ELOA: variants seen among roughly 807,000 people sequenced by gnomAD.
ELOA encodes elongin-A.
Under a neutral mutation model 85.2 loss-of-function variants are expected in ELOA, and 15 were observed. That is an observed-to-expected ratio of 0.18 (90% CI 0.12 to 0.27). The LOEUF (loss-of-function observed/expected upper bound fraction) is 0.27, where lower values mean the gene tolerates loss of function less well. Among genes scored for constraint, ELOA ranks in the 10% least tolerant of loss-of-function variants. The probability of loss-of-function intolerance (pLI) is 1.00; values close to 1 mark genes in which losing one functional copy is unlikely to be tolerated. For synonymous variants in ELOA, 348 were observed against 357.2 expected (o/e 0.97, Z 0.29); for missense variants, 769 against 952.7 (o/e 0.81, Z 2.54).
chr1:23,749,110 T>C lies in ELOA; in HGVS notation c.132+33T>C, dbSNP rs755398006. The C allele has an allele frequency of 2.1e-5, 33 of 1,543,712 alleles. No individual in the cohort carries two copies. In the Admixed American group the frequency reaches 5.5e-4, roughly 26 times the overall value. On this transcript the variant is annotated intron_variant, in intron 2 of 10. Transcript: ENST00000613537. ...CTGTGTGACTTTAAATATTATATAA[T>C]GATATCCCATTCCCTTCTCACTGGA...
Position 23,749,886 on chromosome 1 carries a change from G to A in ELOA, c.177G>A (p.Glu59=), listed in dbSNP as rs759959049. Residue 59 remains glutamate, a synonymous_variant, in exon 3 of 11, where the codon GAG becomes GAA. Transcript: ENST00000613537. ...GKTVNSLRKH[E]HVGSFARDLV... is the part of the protein sequence containing the mutation. ...CAGTAAATAGCTTGCGAAAACACGA[G>A]CATGTTGGAAGCTTTGCCAGGGACC... 2.9e-5 allele frequency: 46 copies of A among 1,613,846 alleles called. No individual in the cohort carries two copies. The Admixed American group carries it at 7.5e-4, about 26-fold the overall frequency.
intron 7 of ELOA, 50 bp downstream of exon 7, chr1:23,754,510 C>T: frequency 4.2e-6 from 6 of 1,417,390 alleles, no homozygotes; most frequent in East Asian, 2.3e-5. Context: ...GCTTGTACCT[C>T]CAGAAATAGC....
rs1380432388 is a variant in ELOA at position 23,760,300 on chromosome 1, TTTTG to T, written c.*731_*734del. On this transcript the variant is annotated 3_prime_UTR_variant, in exon 11 of 11. Coordinates refer to ENST00000613537, the MANE Select transcript of ELOA (RefSeq NM_003198.3). ...TCATCCTTTTTGCGAGTCCCCACCT[TTTTG>T]TTTTTTTTTTTTTCTTTGAGGCTCA... 6.6e-6 allele frequency: 1 copy of T among 151,908 alleles called. No individual in the cohort carries two copies. Among genetic ancestry groups the T allele is most frequent in the East Asian group, 1.9e-4 (1 of 5,194 alleles). 9.4% of individuals were successfully genotyped at this position (151,908 alleles called of 1,614,324 possible). A position where few individuals can be genotyped will look rare whatever the true frequency, so the allele number is the denominator to read the frequency against.
intron 1 of ELOA, among the ~76,000 whole-genome samples, chr1:23,748,129 C>T (rs1421076940): frequency 1.3e-5 from 2 of 151,998 alleles, no homozygotes; most frequent in Non-Finnish European, 2.9e-5. Flanking sequence ...AGCTGTCAGT[C>T]GATGAATGAA....
chr1:23,750,156 A>G (rs1020296678), intron 3 of ELOA, among the ~76,000 whole-genome samples: 19 of 139,728 alleles, frequency 1.4e-4, no homozygotes, highest in Admixed American at 3.6e-4. Flanking sequence ...CGTTATGAAC[A>G]TTTTGGTACG....
intron 5 of ELOA, 34 bp from the exon 6 acceptor site, chr1:23,754,066 A>C: frequency 6.2e-7 from 1 of 1,610,336 alleles, no homozygotes; most frequent in South Asian, 1.1e-5. Flanking sequence ...TCACTGGATC[A>C]CTTAGGGCCT....
At chr1:23,758,327 A>G (rs1475087660) in intron 10 of ELOA, among the ~76,000 whole-genome samples, 19 of 111,336 alleles carry the variant, frequency 1.7e-4, no homozygotes, top group Non-Finnish European at 6.7e-5. Context: ...GGGCTGGAGT[A>G]CAGTGGCGTG....
At chr1:23,755,821 G>A in intron 7 of ELOA, 22 bp from the exon 8 acceptor site, 1 of 1,547,728 alleles carries the variant, frequency 6.5e-7, no homozygotes. Flanking sequence ...GTACACAAAT[G>A]ATGTCCTGGT....
At chr1:23,758,844 C>T (rs970365079) in intron 10 of ELOA, among the ~76,000 whole-genome samples, 3 of 151,786 alleles carry the variant, frequency 2.0e-5, no homozygotes, top group Admixed American at 6.6e-5. Flanking sequence ...TGGGGGTAGA[C>T]GTGCTGTTTA....
At chr1:23,757,749 T>C (rs1644801748) in intron 10 of ELOA, among the ~76,000 whole-genome samples, 1 of 151,630 alleles carries the variant, frequency 6.6e-6, no homozygotes, top group African/African-American at 2.4e-5. Flanking sequence ...TCTGCCCGCC[T>C]TGGCCTCCCA....
intron 1 of ELOA, among the ~76,000 whole-genome samples, chr1:23,746,608 C>CA (rs55782205): frequency 0.089 from 5,868 of 66,024 alleles, 63 homozygotes; most frequent in Non-Finnish European, 0.1. Context: ...ACTCCATCTC[C>CA]AAAAAAAAAA....
At chr1:23,756,924 T>G (rs1033673508) in intron 9 of ELOA, 29 bp from the exon 10 acceptor site, 1 of 1,467,144 alleles carries the variant, frequency 6.8e-7, no homozygotes. Flanking sequence ...CTTGTGCTCA[T>G]GCCTAACCAG....
intron 5 of ELOA, among the ~76,000 whole-genome samples, chr1:23,753,111 C>G (rs1179648321): frequency 6.6e-6 from 1 of 152,178 alleles, no homozygotes; most frequent in African/African-American, 2.4e-5. Flanking sequence ...GATTGCATCA[C>G]TGCACTCTAG....
In ELOA at chr1:23,754,477, G is replaced by A. The variant is rs1280366177; in HGVS notation, c.1791+17G>A. On this transcript the variant is annotated intron_variant, in intron 7 of 10. Coordinates refer to ENST00000613537, the MANE Select transcript of ELOA (RefSeq NM_003198.3). ...TACAATCATGTGAGTATTCTGTTTGGGTGGGAAGAGGGCAGTTTTCTGGCT... is the reference window on the plus strand; with the variant it reads ...TACAATCATGTGAGTATTCTGTTTGAGTGGGAAGAGGGCAGTTTTCTGGCT... 11 of 1,606,090 alleles carry A rather than the reference G, an allele frequency of 6.8e-6. No individual in the cohort carries two copies. The highest frequency in any genetic ancestry group is 9.4e-6 in the Non-Finnish European group (11 of 1,172,992).
At chr1:23,756,887 C>G (rs1644796575) in intron 9 of ELOA, 66 bp from the exon 10 acceptor site, 2 of 1,415,766 alleles carry the variant, frequency 1.4e-6, no homozygotes, top group Non-Finnish European at 9.3e-7. Flanking sequence ...AGGCCAGCTT[C>G]AGGCTGTTCA....
chr1:23,758,570 G>T (rs1638247869), intron 10 of ELOA, among the ~76,000 whole-genome samples: 1 of 148,762 alleles, frequency 6.7e-6, no homozygotes, highest in African/African-American at 2.5e-5. Flanking sequence ...ACCATGCCTG[G>T]CCGGGTCTTC....
chr1:23,745,603 A>G (rs1419641128), intron 1 of ELOA, among the ~76,000 whole-genome samples: 2 of 152,056 alleles, frequency 1.3e-5, no homozygotes, highest in Admixed American at 6.6e-5. Flanking sequence ...CATCATGAAG[A>G]TGAGAAAATG....
intron 10 of ELOA, among the ~76,000 whole-genome samples, chr1:23,757,468 C>T (rs1392697070): frequency 6.6e-6 from 1 of 152,122 alleles, no homozygotes; most frequent in African/African-American, 2.4e-5. Flanking sequence ...CATAGTGGTA[C>T]ACACCTGTAG....
Position 23,749,822 on chromosome 1 carries a change from A to G in ELOA, c.133-20A>G, listed in dbSNP as rs1644760908. On this transcript the variant is annotated intron_variant, in intron 2 of 10. Coordinates refer to ENST00000613537, the MANE Select transcript of ELOA (RefSeq NM_003198.3). ...AGCCTAGTTCCAGACCCCTCTAACA[A>G]TTACTTTGTCAAATTTTAGGAGACT... The G allele has an allele frequency of 6.2e-7, 1 of 1,611,784 alleles. No individual in the cohort carries two copies. Among genetic ancestry groups the G allele is most frequent in the African/African-American group, 1.3e-5 (1 of 74,994 alleles).
Sources: allele counts gnomAD v4.1 joint callset (sites outside exome capture counted in the v4.1 genomes callset), GRCh38; gene constraint gnomAD v4.1.1; transcripts MANE v1.5; gene names NCBI Gene and HGNC (gene_info 2026-07-23, HGNC 2026-07-21).